Variants in CNTN5 observed in about 807,000 individuals in gnomAD.
CNTN5 encodes contactin 5.
In CNTN5, 77 loss-of-function variants were observed where a neutral mutation model predicts 129.1. That is an observed-to-expected ratio of 0.60 (90% CI 0.50 to 0.72). The LOEUF (loss-of-function observed/expected upper bound fraction) is 0.72. Among genes scored for constraint, CNTN5 ranks in the 30% least tolerant of loss-of-function variants. The pLI is 0.00. For synonymous variants in CNTN5, 509 were observed against 465.6 expected (o/e 1.09, Z -1.20); for missense variants, 1,478 against 1,328.8 (o/e 1.11, Z -1.75).
chr11:100,186,759 T>C (rs1050907009), intron 13 of CNTN5, among the ~76,000 whole-genome samples: 56 of 152,258 alleles, frequency 3.7e-4, no homozygotes, highest in Middle Eastern at 3.4e-3. Flanking sequence ...TTAATCCCCA[T>C]ATATGAAAAT....
At chr11:100,266,715 A>G (rs1950310800) in intron 17 of CNTN5, among the ~76,000 whole-genome samples, 1 of 149,172 alleles carries the variant, frequency 6.7e-6, no homozygotes. Flanking sequence ...TAAAATCTCT[A>G]GTTATGACCA....
intron 15 of CNTN5, among the ~76,000 whole-genome samples, chr11:100,204,314 A>ATC (rs1948865121): frequency 1.1e-5 from 1 of 90,786 alleles, no homozygotes; most frequent in Non-Finnish European, 2.3e-5. Flanking sequence ...ATATATATAT[A>ATC]TATATATATA....
intron 2 of CNTN5, among the ~76,000 whole-genome samples, chr11:99,418,089 C>T (rs750552740): frequency 6.6e-6 from 1 of 152,070 alleles, no homozygotes; most frequent in Non-Finnish European, 1.5e-5. Context: ...CTGCTGGTTA[C>T]AATACTGCTA....
At chr11:99,391,180 A>C (rs1012815853) in intron 2 of CNTN5, among the ~76,000 whole-genome samples, 1 of 152,132 alleles carries the variant, frequency 6.6e-6, no homozygotes, top group Non-Finnish European at 1.5e-5. Context: ...AAAACCTGTA[A>C]AAAACAAGTT....
At chr11:100,340,700 T>C in intron 22 of CNTN5, 51 bp downstream of exon 22, 2 of 1,494,434 alleles carry the variant, frequency 1.3e-6, no homozygotes, top group Non-Finnish European at 1.8e-6. Flanking sequence ...AAACATCGTA[T>C]AACATTTCTC....
At chr11:100,272,192 A>G (rs577027193) in intron 18 of CNTN5, among the ~76,000 whole-genome samples, 1 of 152,268 alleles carries the variant, frequency 6.6e-6, no homozygotes, top group East Asian at 1.9e-4. Flanking sequence ...TTTGTCATAT[A>G]TGTTCACTGC....
chr11:99,899,473 T>A (rs905091999), intron 6 of CNTN5, among the ~76,000 whole-genome samples: 6 of 152,076 alleles, frequency 3.9e-5, no homozygotes, highest in African/African-American at 1.4e-4. Flanking sequence ...TTTGCATCTA[T>A]TGAGATGATC....
chr11:100,261,861 G>A (rs1317457930), intron 17 of CNTN5, among the ~76,000 whole-genome samples: 1 of 152,062 alleles, frequency 6.6e-6, no homozygotes, highest in Admixed American at 6.6e-5. Context: ...GAAAACCTAG[G>A]CAATACCATT....
At chr11:99,881,050 A>G (rs1221273969) in intron 6 of CNTN5, among the ~76,000 whole-genome samples, 1 of 152,216 alleles carries the variant, frequency 6.6e-6, no homozygotes, top group Non-Finnish European at 1.5e-5. Context: ...GTTTCAATTA[A>G]AACTGGCAGC....
chr11:99,350,075 T>G (rs912847830), intron 2 of CNTN5, among the ~76,000 whole-genome samples: 2 of 152,180 alleles, frequency 1.3e-5, no homozygotes, highest in African/African-American at 4.8e-5. Flanking sequence ...ATGTTTACTT[T>G]GTGTGTTTTG....
intron 9 of CNTN5, among the ~76,000 whole-genome samples, chr11:100,040,612 C>T (rs947260190): frequency 1.3e-5 from 2 of 152,234 alleles, no homozygotes; most frequent in Non-Finnish European, 2.9e-5. Context: ...CTGTGGTGGG[C>T]TCCACCCAGT....
At chr11:100,206,490 C>T (rs1270142693) in intron 15 of CNTN5, among the ~76,000 whole-genome samples, 1 of 151,996 alleles carries the variant, frequency 6.6e-6, no homozygotes, top group Non-Finnish European at 1.5e-5. Context: ...CCAGATTTTT[C>T]CAAATTAAAT....
At chr11:99,793,419 T>C (rs1945825056) in intron 3 of CNTN5, among the ~76,000 whole-genome samples, 1 of 152,184 alleles carries the variant, frequency 6.6e-6, no homozygotes, top group Non-Finnish European at 1.5e-5. Context: ...TGTATGGTTT[T>C]TCACATCTCA....
At chr11:100,309,262 T>A in intron 21 of CNTN5, 1 of 984,180 alleles carries the variant, frequency 1.0e-6, no homozygotes, top group Non-Finnish European at 1.2e-6. Flanking sequence ...TAAGAGAAAA[T>A]CATCTTGTGT....
chr11:99,223,573 GGT>G (rs1224644372), intron 1 of CNTN5, among the ~76,000 whole-genome samples: 3 of 152,024 alleles, frequency 2.0e-5, no homozygotes, highest in African/African-American at 7.2e-5. Flanking sequence ...CAGAATCATA[GGT>G]GTGAAAAGTT....
chr11:99,981,089 TATATATATATATATAC>T (rs1938309043), intron 8 of CNTN5, among the ~76,000 whole-genome samples: 2 of 76,030 alleles, frequency 2.6e-5, no homozygotes, highest in Non-Finnish European at 5.3e-5. Context: ...TATATATATA[TATATATATATATATAC>T]ACACACACAC....
intron 6 of CNTN5, among the ~76,000 whole-genome samples, chr11:99,875,550 T>C (rs928714425): frequency 6.6e-6 from 1 of 152,142 alleles, no homozygotes; most frequent in Non-Finnish European, 1.5e-5. Flanking sequence ...TATGTGTACA[T>C]TCGTAGTTCT....
At position 99,509,934 on chromosome 11, in the gene CNTN5, G is replaced by A. The variant is rs80113833; in HGVS notation, c.-70-46211G>A. 6.3e-3 allele frequency among the ~76,000 whole-genome samples: 957 copies of A among 151,792 alleles called. 8 individuals are homozygous for A. The highest frequency in any genetic ancestry group is 0.022 in the African/African-American group (900 of 41,386). ...ACTACTGGGCTTGAATTCAAGTTCTGACTCCATCTATTAATATTTCTGTAA... is the reference window on the plus strand; with the variant it reads ...ACTACTGGGCTTGAATTCAAGTTCTAACTCCATCTATTAATATTTCTGTAA... On this transcript the variant is annotated intron_variant, in intron 2 of 24. Transcript: ENST00000524871.
At chr11:99,585,926 T>C (rs373807712) in intron 3 of CNTN5, among the ~76,000 whole-genome samples, 6 of 152,176 alleles carry the variant, frequency 3.9e-5, no homozygotes, top group African/African-American at 1.2e-4. Flanking sequence ...GTCAGGATTT[T>C]CTTGTAAAAT....
Sources: allele counts gnomAD v4.1 joint callset (sites outside exome capture counted in the v4.1 genomes callset), GRCh38; gene constraint gnomAD v4.1.1; transcripts MANE v1.5; gene names NCBI Gene and HGNC (gene_info 2026-07-23, HGNC 2026-07-21).